TRPM3: variants seen among roughly 807,000 people sequenced by gnomAD.
TRPM3 encodes the protein long transient receptor potential channel 3.
TRPM3 carries 77 observed loss-of-function variants against 181.2 expected under a neutral mutation model. The ratio of observed to expected loss-of-function variants is 0.42; its 90% CI spans 0.35 to 0.51. TRPM3 has a LOEUF of 0.51. Ranked by LOEUF, TRPM3 falls within the 20% of genes least tolerant of loss-of-function variation. The pLI is 0.01. For synonymous variants in TRPM3, 745 were observed against 796.4 expected (o/e 0.94, Z 1.09); for missense variants, 1,759 against 2,196.7 (o/e 0.80, Z 3.98).
chr9:71,402,131 G>T (rs2093352222), intron 1 of TRPM3, among the ~76,000 whole-genome samples: 1 of 152,124 alleles, frequency 6.6e-6, no homozygotes, highest in African/African-American at 2.4e-5. Flanking sequence ...GAAGCAGCAT[G>T]CAAGTCTACA....
At chr9:70,595,973 T>C (rs1375096406) in intron 21 of TRPM3, among the ~76,000 whole-genome samples, 2 of 152,226 alleles carry the variant, frequency 1.3e-5, no homozygotes, top group Non-Finnish European at 2.9e-5. Context: ...GCTGGTGTTA[T>C]AAATACCATT....
chr9:70,913,574 A>C (rs929804054), intron 1 of TRPM3, among the ~76,000 whole-genome samples: 3 of 152,244 alleles, frequency 2.0e-5, no homozygotes, highest in African/African-American at 7.2e-5. Context: ...TATAGCAGGA[A>C]AAGACAAAAA....
At chr9:71,119,021 A>T (rs1253320467) in intron 1 of TRPM3, among the ~76,000 whole-genome samples, 1 of 152,176 alleles carries the variant, frequency 6.6e-6, no homozygotes, top group Non-Finnish European at 1.5e-5. Flanking sequence ...AACATACAAC[A>T]ATCCATAGGA....
intron 1 of TRPM3, among the ~76,000 whole-genome samples, chr9:70,995,752 A>C (rs2097536180): frequency 6.6e-6 from 1 of 152,166 alleles, no homozygotes; most frequent in Non-Finnish European, 1.5e-5. Flanking sequence ...CAGGCTCTTA[A>C]AAAATAATTG....
chr9:71,424,284 C>T (rs557536961), intron 1 of TRPM3, among the ~76,000 whole-genome samples: 2 of 152,212 alleles, frequency 1.3e-5, no homozygotes, highest in Non-Finnish European at 1.5e-5. Context: ...TACCTTGTGG[C>T]AAGCCATTTT....
intron 1 of TRPM3, among the ~76,000 whole-genome samples, chr9:70,981,697 C>A (rs2097365153): frequency 6.6e-6 from 1 of 152,132 alleles, no homozygotes; most frequent in Non-Finnish European, 1.5e-5. Flanking sequence ...AAACATTTGG[C>A]AGAGTCTGGC....
chr9:70,605,025 C>T (rs1013833974), intron 19 of TRPM3, among the ~76,000 whole-genome samples: 5 of 140,942 alleles, frequency 3.5e-5, no homozygotes, highest in Admixed American at 7.7e-5. Context: ...GGTGCGATCT[C>T]GGCTTTCTGC....
At chr9:71,335,948 T>C (rs1417114555) in intron 1 of TRPM3, among the ~76,000 whole-genome samples, 2 of 152,032 alleles carry the variant, frequency 1.3e-5, no homozygotes, top group Non-Finnish European at 2.9e-5. Context: ...GTCCGTGAGA[T>C]TGATCAGTCC....
intron 1 of TRPM3, among the ~76,000 whole-genome samples, chr9:71,295,988 AT>A (rs2086228414): frequency 6.6e-6 from 1 of 152,104 alleles, no homozygotes. Flanking sequence ...TCCTCTCTAG[AT>A]TTTAGGGGAG....
chr9:71,270,367 T>TA (rs2083700147), intron 1 of TRPM3, among the ~76,000 whole-genome samples: 1 of 151,908 alleles, frequency 6.6e-6, no homozygotes, highest in Non-Finnish European at 1.5e-5. Context: ...AAACAAACAA[T>TA]AAAAAACCTT....
At chr9:70,772,522 C>T (rs1407975695) in intron 7 of TRPM3, among the ~76,000 whole-genome samples, 1 of 151,974 alleles carries the variant, frequency 6.6e-6, no homozygotes, top group African/African-American at 2.4e-5. Context: ...AGGGTTTCGC[C>T]ATGTTGCCCA....
intron 1 of TRPM3, among the ~76,000 whole-genome samples, chr9:71,032,158 TATATA>T (rs200791445): frequency 0.04 from 4,226 of 106,078 alleles, 161 homozygotes; most frequent in African/African-American, 0.085. Flanking sequence ...TACTATATAT[TATATA>T]ATATATTATA....
chr9:71,431,256 T>C (rs113348600), intron 1 of TRPM3, among the ~76,000 whole-genome samples: 1 of 152,204 alleles, frequency 6.6e-6, no homozygotes, highest in African/African-American at 2.4e-5. Flanking sequence ...TAAAGTTTTC[T>C]AGATCTGGTT....
intron 9 of TRPM3, among the ~76,000 whole-genome samples, chr9:70,647,729 A>C (rs944665289): frequency 6.6e-6 from 1 of 152,330 alleles, no homozygotes; most frequent in East Asian, 1.9e-4. Flanking sequence ...AAGGCATCCC[A>C]ATAGGAAGAG....
At chr9:70,598,283 AT>A in intron 21 of TRPM3, 135 bp downstream of exon 21, 1 of 1,153,906 alleles carries the variant, frequency 8.7e-7, no homozygotes, top group Non-Finnish European at 1.2e-6. Context: ...TTCAAAAGGA[AT>A]TCATAAAATA....
intron 8 of TRPM3, among the ~76,000 whole-genome samples, chr9:70,698,360 C>T (rs1162685920): frequency 1.3e-5 from 2 of 152,226 alleles, no homozygotes; most frequent in South Asian, 4.2e-4. Flanking sequence ...GCTGTGTCTG[C>T]CCTTGAACAA....
intron 19 of TRPM3, 53 bp from the exon 20 acceptor site, chr9:70,603,523 C>A (rs2060462786): frequency 2.5e-6 from 4 of 1,603,616 alleles, no homozygotes; most frequent in Non-Finnish European, 3.4e-6. Flanking sequence ...GGAGCCCCAG[C>A]ATCAGCCAAG....
At chr9:70,630,764 G>T (rs1163161643) in intron 12 of TRPM3, among the ~76,000 whole-genome samples, 1 of 152,182 alleles carries the variant, frequency 6.6e-6, no homozygotes, top group African/African-American at 2.4e-5. Flanking sequence ...TTGCTAGACA[G>T]GCTTGGGTTC....
At chr9:70,788,865 T>G (rs2084602983) in intron 6 of TRPM3, among the ~76,000 whole-genome samples, 1 of 152,082 alleles carries the variant, frequency 6.6e-6, no homozygotes, top group Non-Finnish European at 1.5e-5. Flanking sequence ...ATGCAGCTGA[T>G]CTGACAGGAG....
Sources: allele counts gnomAD v4.1 joint callset (sites outside exome capture counted in the v4.1 genomes callset), GRCh38; gene constraint gnomAD v4.1.1; transcripts MANE v1.5; gene names NCBI Gene and HGNC (gene_info 2026-07-23, HGNC 2026-07-21).